POLR3D: variants seen among roughly 807,000 people sequenced by gnomAD.
The protein encoded by POLR3D is RNA polymerase III subunit D, also known as DNA-directed RNA polymerase III subunit RPC4.
A neutral mutation model predicts 44.5 loss-of-function variants in POLR3D; 42 were observed. That is an observed-to-expected ratio of 0.94 (90% CI 0.74 to 1.22). The LOEUF is 1.22. Among genes scored for constraint, POLR3D ranks in the 50% most tolerant of loss-of-function variants. The probability of loss-of-function intolerance (pLI) is 0.00; values close to 1 mark genes in which losing one functional copy is unlikely to be tolerated. For missense variants in POLR3D, 507 were observed against 505.2 expected (o/e 1.00, Z -0.03); for synonymous variants, 217 against 198.1 (o/e 1.10, Z -0.80).
intron 2 of POLR3D, among the ~76,000 whole-genome samples, chr8:22,246,201 C>T (rs7013112): frequency 0.12 from 18,018 of 152,158 alleles, 2,830 homozygotes; most frequent in African/African-American, 0.37. Context: ...GATCTCAGCT[C>T]ACTGCAACCT....
Position 22,249,044 on chromosome 8 carries a change from T to C in POLR3D, c.656T>C (p.Val219Ala). 6.2e-7 allele frequency: 1 copy of C among 1,613,342 alleles called. No homozygotes were observed. Among genetic ancestry groups the C allele is most frequent in the Middle Eastern group, 1.7e-4 (1 of 6,004 alleles). Residue 219 changes from valine (V) to alanine (A), a missense_variant and splice_region_variant, in exon 7 of 9, where the codon GTG becomes GCG. Coordinates refer to ENST00000306433, the MANE Select transcript of POLR3D (RefSeq NM_001722.3). ...CATTCCATGTCTATCACCCGGGCAG[T>C]GAAAGAGGAGCCACGAGATGAGGAG... Reference protein sequence around the residue: ...DMEVDIPAVKVKEEPRDEEEE... With the variant: ...DMEVDIPAVKAKEEPRDEEEE...
intron 2 of POLR3D, among the ~76,000 whole-genome samples, 169 bp downstream of exon 2, chr8:22,245,783 T>G (rs957543710): frequency 6.6e-6 from 1 of 152,216 alleles, no homozygotes. Flanking sequence ...ATCTAGGTAC[T>G]GAGTACAAGA....
At chr8:22,249,769 C>T (rs980684089) in intron 7 of POLR3D, among the ~76,000 whole-genome samples, 56 of 152,150 alleles carry the variant, frequency 3.7e-4, no homozygotes, top group Admixed American at 3.7e-3. Context: ...TTGCAGTAAG[C>T]CTAGATCATG....
intron 1 of POLR3D, 123 bp from the exon 2 acceptor site, chr8:22,245,322 G>A: frequency 1.6e-6 from 1 of 637,658 alleles, no homozygotes; most frequent in Admixed American, 3.6e-5. Context: ...ACGTGGGAGG[G>A]GAGGAGCTGA....
chr8:22,247,330 G>A (rs1830053881), intron 3 of POLR3D, 66 bp downstream of exon 3: 25 of 1,237,332 alleles, frequency 2.0e-5, no homozygotes, highest in Admixed American at 3.8e-5. Flanking sequence ...GGCTTTGGGG[G>A]AAATAACTAG....
At chr8:22,248,372 T>G in intron 5 of POLR3D, 94 bp downstream of exon 5, 1 of 1,571,392 alleles carries the variant, frequency 6.4e-7, no homozygotes, top group Non-Finnish European at 8.6e-7. Context: ...CTTACTGATG[T>G]CCTGGAATCC....
Position 22,250,218 on chromosome 8 carries a change from C to T in POLR3D, c.1065C>T (p.Ser355=), listed in dbSNP as rs1453260681. The T allele has an allele frequency of 1.2e-6, 2 of 1,614,152 alleles. No individual in the cohort carries two copies. The highest frequency in any genetic ancestry group is 1.7e-6 in the Non-Finnish European group (2 of 1,180,000). Residue 355 remains serine (S), a synonymous_variant, in exon 8 of 9, where the codon TCC becomes TCT. Transcript: ENST00000306433. The part of the protein sequence containing the change: ...TLDVTMGTAC[S]FLQELVSVGL... ...ACGTGACCATGGGAACTGCCTGCTC[C>T]TTCCTGCAGGTAAGAGCCTCCTTAG...
rs1172495937 is a variant in POLR3D, at chr8:22,250,413, C to G, written c.1092C>G (p.Gly364=). Reference sequence around the variant, plus strand: ...ATTGGCAGGAGCTGGTGTCCGTGGGCCTTGGAGACAGTAGGACAGGGGAGA... The same window carrying G: ...ATTGGCAGGAGCTGGTGTCCGTGGGGCTTGGAGACAGTAGGACAGGGGAGA... ...CSFLQELVSV[G]LGDSRTGEMT... Residue 364 remains glycine, a synonymous_variant, in exon 9 of 9, where the codon GGC becomes GGG. Coordinates refer to ENST00000306433, the MANE Select transcript of POLR3D (RefSeq NM_001722.3). The G allele has an allele frequency of 6.2e-7, 1 of 1,614,060 alleles. No individual in the cohort carries two copies. Among genetic ancestry groups the G allele is most frequent in the Non-Finnish European group, 8.5e-7 (1 of 1,180,040 alleles).
rs1402198245 is a variant in POLR3D, at chr8:22,247,861, A to G, written c.214A>G (p.Lys72Glu). ...IISRKIKEEPKEEVTVKKEKR... is the reference protein window; with the variant it reads ...IISRKIKEEPEEEVTVKKEKR... ...TTAATCCATTCTTTTTTCCAGGCCC[A>G]AGGAAGAAGTAACTGTCAAGAAGGA... The change falls in exon 4 of 9, where the codon AAG becomes GAG. Residue 72 changes from lysine to glutamate, a missense_variant. Transcript: ENST00000306433. The G allele has an allele frequency of 6.2e-7, 1 of 1,611,936 alleles. No homozygotes were observed. The highest frequency in any genetic ancestry group is 1.1e-5 in the South Asian group (1 of 90,984).
chr8:22,250,348 G>T (rs1481985026), intron 8 of POLR3D, 48 bp from the exon 9 acceptor site: 2 of 1,612,796 alleles, frequency 1.2e-6, no homozygotes, highest in African/African-American at 1.3e-5. Context: ...AGCTCTACAC[G>T]CCGGGCACGT....
In POLR3D at chr8:22,250,228, G is replaced by T. The variant is rs748972881; in HGVS notation, c.1074+1G>T. 7 of 1,613,968 alleles carry T rather than the reference G, an allele frequency of 4.3e-6. No homozygotes were observed. In the African/African-American group the frequency reaches 5.3e-5, roughly 12 times the overall value. On this transcript the variant is annotated splice_donor_variant, in intron 8 of 8. Transcript: ENST00000306433. LOFTEE classifies it high-confidence loss of function. ...GGGAACTGCCTGCTCCTTCCTGCAG[G>T]TAAGAGCCTCCTTAGGGGCAAGGAG...
At chr8:22,245,982 A>G (rs1017342188) in intron 2 of POLR3D, among the ~76,000 whole-genome samples, 1 of 152,236 alleles carries the variant, frequency 6.6e-6, no homozygotes, top group Admixed American at 6.5e-5. Flanking sequence ...CTCTGTGTGC[A>G]AACTTTTTAT....
At position 22,253,010 on chromosome 8, in the gene POLR3D, G is replaced by A. The variant is rs1216429193; in HGVS notation, c.*2492G>A. The A allele has an allele frequency of 6.6e-6, 1 of 152,128 alleles. No homozygotes were observed. The highest frequency in any genetic ancestry group is 1.5e-5 in the Non-Finnish European group (1 of 68,020). 9.4% of individuals were successfully genotyped at this position (152,128 alleles called of 1,614,324 possible). On this transcript the variant is annotated 3_prime_UTR_variant, in exon 9 of 9. Transcript: ENST00000306433. ...AGAGTGAACATGAGGCATTTATTCG[G>A]TGCCAGACAGATAACTGCCTATAAC...
At chr8:22,249,844 C>T (rs1017833074) in intron 7 of POLR3D, among the ~76,000 whole-genome samples, 5 of 152,128 alleles carry the variant, frequency 3.3e-5, no homozygotes, top group Admixed American at 6.5e-5. Flanking sequence ...GAACGTAAAC[C>T]GCCATGTACC....
intron 5 of POLR3D, 36 bp downstream of exon 5, chr8:22,248,314 G>A (rs774468607): frequency 6.2e-7 from 1 of 1,608,090 alleles, no homozygotes; most frequent in East Asian, 2.2e-5. Flanking sequence ...GGGTTTCCTT[G>A]TGGCTGTAGA....
chr8:22,246,022 T>C (rs981083941), intron 2 of POLR3D, among the ~76,000 whole-genome samples: 9 of 152,232 alleles, frequency 5.9e-5, no homozygotes, highest in Non-Finnish European at 1.2e-4. Context: ...AGGTATGGCA[T>C]TCGAGGCTCT....
rs139222181 is a variant in POLR3D, at chr8:22,249,273, C to G, written c.885C>G (p.Asp295Glu). 1.2e-6 allele frequency: 2 copies of G among 1,613,948 alleles called. No individual in the cohort carries two copies. Among genetic ancestry groups the G allele is most frequent in the Non-Finnish European group, 1.7e-6 (2 of 1,180,000 alleles). Residue 295 changes from aspartate to glutamate, a missense_variant, in exon 7 of 9, where the codon GAC becomes GAG. Transcript: ENST00000306433. ...TCAAGACAGAGGTGCAGGGCGAGGA[C>G]GGACAGGTGGTGCTCATCAAGCAGG... ...KPIKTEVQGE[D>E]GQVVLIKQEK...
intron 6 of POLR3D, 145 bp from the exon 7 acceptor site, chr8:22,248,899 G>C: frequency 1.1e-6 from 1 of 933,896 alleles, no homozygotes; most frequent in Non-Finnish European, 1.7e-6. Flanking sequence ...TGAACGTGTT[G>C]TCTCTTGCCC....
At chr8:22,248,998 T>G in intron 6 of POLR3D, 46 bp from the exon 7 acceptor site, 1 of 1,603,546 alleles carries the variant, frequency 6.2e-7, no homozygotes. Context: ...TGAGCTGGTA[T>G]GGAGGGTGGT....
Sources: gnomAD v4.1 joint callset for allele counts (sites outside exome capture counted in the v4.1 genomes callset) on GRCh38, gnomAD v4.1.1 for gene constraint, MANE v1.5 for transcripts, NCBI Gene and HGNC (gene_info 2026-07-23, HGNC 2026-07-21) for gene names.